CA10: variants seen among roughly 807,000 people sequenced by gnomAD.
The protein encoded by CA10 is carbonic anhydrase-related protein 10.
Under a neutral mutation model 44.2 loss-of-function variants are expected in CA10, and 14 were observed. The observed-to-expected ratio is 0.32, with a 90% CI of 0.21 to 0.50. The LOEUF is 0.50. CA10 is among the 20% of genes least tolerant of loss of function. The pLI is 0.99. For missense variants in CA10, 350 were observed against 409.7 expected, an observed-to-expected ratio of 0.85 and a Z score of 1.26; for synonymous variants, 159 against 141.6, an observed-to-expected ratio of 1.12 and a Z score of -0.87.
At chr17:52,150,526 T>A (rs531788061) in intron 1 of CA10, among the ~76,000 whole-genome samples, 11 of 152,150 alleles carry the variant, frequency 7.2e-5, no homozygotes, top group Non-Finnish European at 1.3e-4. Context: ...ATGAAAACCA[T>A]TTCATTTAGG....
chr17:51,915,267 C>T (rs183246), intron 3 of CA10, among the ~76,000 whole-genome samples: 102,717 of 151,994 alleles, frequency 0.68, 35,044 homozygotes, highest in Non-Finnish European at 0.71. Flanking sequence ...TCACGGTAAT[C>T]GGCAAGGACA....
chr17:52,003,981 G>A (rs1985515683), intron 2 of CA10, among the ~76,000 whole-genome samples: 1 of 150,896 alleles, frequency 6.6e-6, no homozygotes, highest in Non-Finnish European at 1.5e-5. Flanking sequence ...ATAAGTATCT[G>A]TCTCTTATGA....
intron 3 of CA10, among the ~76,000 whole-genome samples, chr17:51,920,914 A>G (rs1243869024): frequency 6.6e-6 from 1 of 152,142 alleles, no homozygotes; most frequent in Non-Finnish European, 1.5e-5. Flanking sequence ...TGTAATCAAA[A>G]TCCTCTTTTA....
At chr17:51,947,354 G>A (rs925344686) in intron 2 of CA10, among the ~76,000 whole-genome samples, 11 of 151,472 alleles carry the variant, frequency 7.3e-5, no homozygotes, top group Non-Finnish European at 1.2e-4. Flanking sequence ...CATAAAATCC[G>A]ACAAAGGTTC....
At chr17:52,072,511 C>T (rs1024698738) in intron 1 of CA10, 118 bp from the exon 2 acceptor site, 1 of 638,378 alleles carries the variant, frequency 1.6e-6, no homozygotes, top group Non-Finnish European at 2.7e-6. Flanking sequence ...CAAAGTCATA[C>T]TACAACAGAA....
chr17:51,751,426 T>C (rs1358248053), intron 3 of CA10, among the ~76,000 whole-genome samples: 1 of 152,242 alleles, frequency 6.6e-6, no homozygotes, highest in Non-Finnish European at 1.5e-5. Flanking sequence ...GTAAATTGTA[T>C]GTCATATGTA....
At chr17:51,754,921 T>TAC (rs1263556450) in intron 3 of CA10, among the ~76,000 whole-genome samples, 1 of 152,036 alleles carries the variant, frequency 6.6e-6, no homozygotes, top group Non-Finnish European at 1.5e-5. Context: ...TGTGTATATA[T>TAC]ACATGCATAT....
At chr17:52,036,948 G>A (rs1464166376) in intron 2 of CA10, among the ~76,000 whole-genome samples, 2 of 152,134 alleles carry the variant, frequency 1.3e-5, no homozygotes, top group South Asian at 4.1e-4. Flanking sequence ...GAAAATGAAG[G>A]ACTCTAGTCC....
chr17:51,931,781 C>A (rs565252565), intron 2 of CA10, among the ~76,000 whole-genome samples: 98 of 152,214 alleles, frequency 6.4e-4, no homozygotes, highest in African/African-American at 2.3e-3. Flanking sequence ...GAGCTGAGCA[C>A]AAATACCCAA....
At chr17:52,118,591 A>G (rs927587511) in intron 1 of CA10, among the ~76,000 whole-genome samples, 13 of 152,170 alleles carry the variant, frequency 8.5e-5, no homozygotes, top group African/African-American at 2.9e-4. Context: ...ATTATTTGAC[A>G]TGTTGAGGTA....
chr17:51,930,828 C>A, intron 3 of CA10, among the ~76,000 whole-genome samples, 162 bp downstream of exon 3: 1 of 152,036 alleles, frequency 6.6e-6, no homozygotes. Flanking sequence ...AGAAAAAGCA[C>A]AATTTAGACA....
chr17:51,734,545 A>G (rs752909485), intron 4 of CA10, among the ~76,000 whole-genome samples: 1 of 152,146 alleles, frequency 6.6e-6, no homozygotes, highest in African/African-American at 2.4e-5. Context: ...AGGGCAGGTG[A>G]TCATCCTATT....
chr17:51,969,092 G>A (rs1011395036), intron 2 of CA10, among the ~76,000 whole-genome samples: 8 of 151,954 alleles, frequency 5.3e-5, no homozygotes, highest in East Asian at 1.9e-4. Context: ...TGGATAAAGT[G>A]CAGCAATCTG....
rs1275380466 is a variant in CA10, at chr17:52,081,511, G to A, written c.62-9118C>T. The stretch of plus-strand genomic sequence containing the variant: ...TGAAAATAGAACATCATAAGATTTA[G>A]ATGAAGCGGCCGGGCGCGGTGGCTC... On this transcript the variant is annotated intron_variant, in intron 1 of 8. Coordinates refer to ENST00000451037, the MANE Select transcript of CA10 (RefSeq NM_020178.5). 2.6e-5 allele frequency among the ~76,000 whole-genome samples: 4 copies of A among 152,272 alleles called. No homozygotes were observed. In the East Asian group the frequency reaches 7.7e-4, roughly 29 times the overall value.
intron 1 of CA10, among the ~76,000 whole-genome samples, chr17:52,087,576 A>G (rs991533519): frequency 5.9e-5 from 9 of 152,336 alleles, no homozygotes; most frequent in African/African-American, 2.2e-4. Context: ...TCAACAGCAA[A>G]TATTCAACAT....
In CA10 at chr17:51,731,653, TAA is replaced by T. The variant is rs371165542; in HGVS notation, c.465+15978_465+15979del. ...AAAAGACACAGAGGAAAGGGGCTGGTAAAAAAAAAAAAAAAAAAAAGATTTAT... is the reference window on the plus strand; with the variant it reads ...AAAAGACACAGAGGAAAGGGGCTGGTAAAAAAAAAAAAAAAAAAGATTTAT... On this transcript the variant is annotated intron_variant, in intron 4 of 8. Coordinates refer to ENST00000451037, the MANE Select transcript of CA10 (RefSeq NM_020178.5). Among the ~76,000 whole-genome samples the T allele has an allele frequency of 2.5e-3, 271 of 109,178 alleles. 1 individual carries two copies. The highest frequency in any genetic ancestry group is 5.7e-3 in the Middle Eastern group (1 of 174). 71.6% of individuals were successfully genotyped at this position (109,178 alleles called of 152,430 possible).
chr17:51,888,043 A>G (rs1158237497), intron 3 of CA10, among the ~76,000 whole-genome samples: 1 of 151,820 alleles, frequency 6.6e-6, no homozygotes, highest in Non-Finnish European at 1.5e-5. Context: ...AAAAACAAAA[A>G]CAAAACAAAA....
At chr17:51,822,427 CAAA>C (rs112644692) in intron 3 of CA10, among the ~76,000 whole-genome samples, 4 of 137,744 alleles carry the variant, frequency 2.9e-5, no homozygotes, top group African/African-American at 1.3e-4. Context: ...AAAAACAAAA[CAAA>C]AACAAAAACA....
intron 3 of CA10, among the ~76,000 whole-genome samples, chr17:51,866,653 T>A (rs1386425431): frequency 1.8e-4 from 27 of 152,224 alleles, no homozygotes; most frequent in Admixed American, 1.8e-3. Flanking sequence ...GACTTTATAA[T>A]TCCTGGCTTC....
Sources: gnomAD v4.1 joint callset for allele counts (sites outside exome capture counted in the v4.1 genomes callset) on GRCh38, gnomAD v4.1.1 for gene constraint, MANE v1.5 for transcripts, NCBI Gene and HGNC (gene_info 2026-07-23, HGNC 2026-07-21) for gene names.